The following BANK1 variants were observed in gnomAD, a reference collection of about 807,000 sequenced individuals.
BANK1 encodes the protein B cell scaffold protein with ankyrin repeats 1.
In BANK1, 95 loss-of-function variants were observed where a neutral mutation model predicts 94.5. The observed-to-expected ratio is 1.00, with a 90% CI of 0.85 to 1.19. The LOEUF (loss-of-function observed/expected upper bound fraction) is 1.19, where lower values mean the gene tolerates loss of function less well. Ranked by LOEUF, BANK1 falls within the 50% of genes most tolerant of loss-of-function variation. BANK1 has a pLI of 0.00. For missense variants in BANK1, 987 were observed against 932.2 expected (o/e 1.06, Z -0.77); for synonymous variants, 334 against 308.4 (o/e 1.08, Z -0.87).
chr4:101,795,637 T>A (rs1293201031), intron 1 of BANK1, among the ~76,000 whole-genome samples: 1 of 152,138 alleles, frequency 6.6e-6, no homozygotes, highest in Non-Finnish European at 1.5e-5. Context: ...AATTATTAGG[T>A]CACTATTGTA....
intron 4 of BANK1, among the ~76,000 whole-genome samples, chr4:101,869,892 T>A (rs1275602825): frequency 6.6e-6 from 1 of 152,012 alleles, no homozygotes; most frequent in Non-Finnish European, 1.5e-5. Context: ...TGCTCATATA[T>A]TACAGCACAA....
intron 11 of BANK1, among the ~76,000 whole-genome samples, chr4:102,053,230 T>C (rs1728113870): frequency 6.6e-6 from 1 of 152,122 alleles, no homozygotes; most frequent in South Asian, 2.1e-4. Flanking sequence ...AGCTAATCTT[T>C]GGAGAAGTGG....
intron 2 of BANK1, among the ~76,000 whole-genome samples, chr4:101,849,673 T>C (rs1727400000): frequency 6.6e-6 from 1 of 152,182 alleles, no homozygotes; most frequent in African/African-American, 2.4e-5. Flanking sequence ...TGTGTGTGTA[T>C]ATATATGATT....
chr4:101,978,655 G>A (rs769563975), intron 7 of BANK1, among the ~76,000 whole-genome samples: 22 of 151,878 alleles, frequency 1.4e-4, no homozygotes, highest in Non-Finnish European at 3.2e-4. Context: ...TTAGGTATCA[G>A]TGACCGACCG....
intron 7 of BANK1, among the ~76,000 whole-genome samples, chr4:101,932,167 G>C (rs1723373217): frequency 6.6e-6 from 1 of 151,352 alleles, no homozygotes; most frequent in Non-Finnish European, 1.5e-5. Flanking sequence ...TGAAGAACTG[G>C]CCTATCCAAA....
chr4:101,870,734 T>C, intron 5 of BANK1, 90 bp downstream of exon 5: 1 of 1,436,076 alleles, frequency 7.0e-7, no homozygotes, highest in Non-Finnish European at 9.3e-7. Flanking sequence ...TAAGTTTGAA[T>C]GTGGATTGAA....
intron 10 of BANK1, among the ~76,000 whole-genome samples, chr4:102,035,554 A>G (rs1727475074): frequency 6.6e-6 from 1 of 151,604 alleles, no homozygotes; most frequent in African/African-American, 2.4e-5. Context: ...AGGCTGAGGC[A>G]GGAGAATGGC....
At chr4:102,068,832 A>T (rs1203520347) in intron 13 of BANK1, among the ~76,000 whole-genome samples, 3 of 152,196 alleles carry the variant, frequency 2.0e-5, no homozygotes, top group African/African-American at 7.2e-5. Context: ...CATCTCAAAA[A>T]AAAAAAAAAG....
chr4:101,941,576 A>G (rs1184005973), intron 7 of BANK1, among the ~76,000 whole-genome samples: 1 of 151,842 alleles, frequency 6.6e-6, no homozygotes. Context: ...AGAATCACCA[A>G]TTCTGAAAAA....
At chr4:102,003,828 C>T (rs986344965) in intron 7 of BANK1, among the ~76,000 whole-genome samples, 2 of 151,066 alleles carry the variant, frequency 1.3e-5, no homozygotes, top group Admixed American at 1.3e-4. Context: ...TATATATTTA[C>T]TTATGTATAT....
chr4:101,803,493 G>A (rs1383075475), intron 1 of BANK1, among the ~76,000 whole-genome samples: 3 of 152,100 alleles, frequency 2.0e-5, no homozygotes, highest in Admixed American at 2.0e-4. Context: ...AAATGAGAAA[G>A]TGGTTATCTA....
In BANK1 at chr4:101,956,269, G is replaced by A. The variant is rs982233523; in HGVS notation, c.1206+38080G>A. On this transcript the variant is annotated intron_variant, in intron 7 of 16. Transcript: ENST00000322953. Reference sequence around the variant, plus strand: ...CCTGCATGGAAAAAAAGTGAACTAAGTGACCTCTACTTCCTCAAGGCTCTA... The same window carrying A: ...CCTGCATGGAAAAAAAGTGAACTAAATGACCTCTACTTCCTCAAGGCTCTA... 3.9e-5 allele frequency among the ~76,000 whole-genome samples: 6 copies of A among 152,170 alleles called. No homozygotes were observed. In the East Asian group the frequency reaches 1.2e-3, roughly 29 times the overall value.
intron 1 of BANK1, among the ~76,000 whole-genome samples, chr4:101,817,608 G>T (rs1205681487): frequency 1.3e-5 from 2 of 152,110 alleles, no homozygotes. Flanking sequence ...GTGATTGGAT[G>T]ATCTATGCAG....
intron 7 of BANK1, among the ~76,000 whole-genome samples, chr4:101,947,834 A>C (rs1723989704): frequency 6.6e-6 from 1 of 152,024 alleles, no homozygotes; most frequent in South Asian, 2.1e-4. Flanking sequence ...CAACAAATGA[A>C]TCAATCATAT....
At chr4:102,023,242 T>C (rs1726974951) in intron 8 of BANK1, among the ~76,000 whole-genome samples, 1 of 152,190 alleles carries the variant, frequency 6.6e-6, no homozygotes, top group African/African-American at 2.4e-5. Context: ...ATGCCTTCAC[T>C]AGCATACTTT....
At chr4:101,843,045 CTT>C (rs1306159551) in intron 2 of BANK1, among the ~76,000 whole-genome samples, 1 of 152,130 alleles carries the variant, frequency 6.6e-6, no homozygotes, top group Non-Finnish European at 1.5e-5. Context: ...AAAATTAAAA[CTT>C]TTAAAGTAAA....
intron 7 of BANK1, among the ~76,000 whole-genome samples, chr4:101,934,341 A>C (rs1723456519): frequency 6.6e-6 from 1 of 151,448 alleles, no homozygotes; most frequent in African/African-American, 2.4e-5. Flanking sequence ...CGTAGACTGA[A>C]TTGTGTATGT....
At chr4:101,892,187 T>C (rs1031916881) in intron 5 of BANK1, among the ~76,000 whole-genome samples, 2 of 150,664 alleles carry the variant, frequency 1.3e-5, no homozygotes, top group African/African-American at 4.8e-5. Flanking sequence ...TAAAATATAA[T>C]TTATATCTTT....
At chr4:102,051,262 G>T (rs1476869165) in intron 11 of BANK1, among the ~76,000 whole-genome samples, 1 of 152,104 alleles carries the variant, frequency 6.6e-6, no homozygotes, top group Non-Finnish European at 1.5e-5. Context: ...TCAAAATGTG[G>T]TCATTTGTAC....
Sources: allele counts gnomAD v4.1 joint callset (sites outside exome capture counted in the v4.1 genomes callset), GRCh38; gene constraint gnomAD v4.1.1; transcripts MANE v1.5; gene names NCBI Gene and HGNC (gene_info 2026-07-23, HGNC 2026-07-21).